Variants in AZIN2 observed in about 807,000 individuals in gnomAD.
AZIN2 encodes the protein antizyme inhibitor 2.
A neutral mutation model predicts 47.8 loss-of-function variants in AZIN2; 28 were observed. That is an observed-to-expected ratio of 0.59 (90% CI 0.43 to 0.80). The LOEUF is 0.80. AZIN2 is among the 30% of genes least tolerant of loss of function. The probability of loss-of-function intolerance (pLI) is 0.00; values close to 1 mark genes in which losing one functional copy is unlikely to be tolerated. For missense variants in AZIN2, 535 were observed against 582.5 expected (o/e 0.92, Z 0.84); for synonymous variants, 221 against 239.4 (o/e 0.92, Z 0.71).
intron 10 of AZIN2, among the ~76,000 whole-genome samples, chr1:33,116,506 TC>T (rs1644548498): frequency 6.6e-6 from 1 of 152,186 alleles, no homozygotes; most frequent in Non-Finnish European, 1.5e-5. Flanking sequence ...CTCTTTCTCA[TC>T]ACTCATATAT....
At chr1:33,128,972 C>A in the AZIN2 span, among the ~76,000 whole-genome samples, 3 of 152,042 alleles carry the variant, frequency 2.0e-5, no homozygotes, top group African/African-American at 7.2e-5. Flanking sequence ...AGCTGCCGGC[C>A]AGGATTAGGA....
At chr1:33,157,341 TG>T in the AZIN2 span, among the ~76,000 whole-genome samples, 1 of 152,110 alleles carries the variant, frequency 6.6e-6, no homozygotes, top group South Asian at 2.1e-4. Flanking sequence ...TTGCACTTGC[TG>T]TCCCCATGCC....
At chr1:33,135,269 C>T in the AZIN2 span, among the ~76,000 whole-genome samples, 1 of 152,150 alleles carries the variant, frequency 6.6e-6, no homozygotes, top group Admixed American at 6.5e-5. Flanking sequence ...GCCTGGGTGA[C>T]AGAGCAAGAC....
chr1:33,090,306 C>T (rs1347259492), intron 5 of AZIN2, among the ~76,000 whole-genome samples: 1 of 152,206 alleles, frequency 6.6e-6, no homozygotes, highest in Non-Finnish European at 1.5e-5. Context: ...TCAGGGCCTG[C>T]TTGTGGTAGG....
the AZIN2 span, among the ~76,000 whole-genome samples, chr1:33,131,612 T>C: frequency 6.6e-6 from 1 of 152,132 alleles, no homozygotes; most frequent in Non-Finnish European, 1.5e-5. Context: ...ACATTTTGTA[T>C]GTTTAAAAGA....
the AZIN2 span, among the ~76,000 whole-genome samples, chr1:33,157,732 A>T: frequency 6.3e-4 from 95 of 151,680 alleles, 1 homozygote; most frequent in Non-Finnish European, 1.3e-3. Flanking sequence ...GGGTTTGCTA[A>T]TGGAACCTAT....
chr1:33,135,180 T>C, the AZIN2 span, among the ~76,000 whole-genome samples: 1 of 152,148 alleles, frequency 6.6e-6, no homozygotes, highest in African/African-American at 2.4e-5. Flanking sequence ...ATCCCAGCTA[T>C]TTGGGAGGCT....
At chr1:33,157,356 A>C in the AZIN2 span, among the ~76,000 whole-genome samples, 1 of 152,072 alleles carries the variant, frequency 6.6e-6, no homozygotes, top group East Asian at 1.9e-4. Context: ...CCATGCCAGG[A>C]GCACTCTTCC....
chr1:33,146,891 T>C, the AZIN2 span: 5 of 433,850 alleles, frequency 1.2e-5, no homozygotes, highest in Admixed American at 1.9e-4. Flanking sequence ...CCTGAGAAGA[T>C]GGGGATGAGG....
Position 33,092,106 on chromosome 1 carries a change from C to G in AZIN2, c.336C>G (p.Ala112=). 1.2e-6 allele frequency: 2 copies of G among 1,614,188 alleles called. No homozygotes were observed. Among genetic ancestry groups the G allele is most frequent in the East Asian group, 2.2e-5 (1 of 44,880 alleles). Residue 112 remains alanine (A), a synonymous_variant, in exon 6 of 12, where the codon GCC becomes GCG. Transcript: ENST00000294517. ...TCCCTGCCAGTAAGATCATCTGCGC[C>G]AACCCCTGTAAGCAAATTGCACAGA... ...IGIPASKIIC[A]NPCKQIAQIK...
chr1:33,150,823 C>G, the AZIN2 span, among the ~76,000 whole-genome samples: 4 of 152,142 alleles, frequency 2.6e-5, no homozygotes, highest in South Asian at 8.3e-4. Flanking sequence ...GGTGGGCCAC[C>G]CCTATGACAG....
chr1:33,148,617 T>G, the AZIN2 span, among the ~76,000 whole-genome samples: 1 of 152,200 alleles, frequency 6.6e-6, no homozygotes, highest in African/African-American at 2.4e-5. Context: ...ACAAAATATT[T>G]TATTATTAAT....
chr1:33,093,733 T>TTC (rs1404864675), intron 7 of AZIN2, among the ~76,000 whole-genome samples: 28 of 141,862 alleles, frequency 2.0e-4, no homozygotes, highest in African/African-American at 3.2e-4. Context: ...CTTTCTTTCT[T>TTC]TTTTTTTTTT....
At chr1:33,163,515 T>A in the AZIN2 span, 1 of 152,218 alleles carries the variant, frequency 6.6e-6, no homozygotes, top group Non-Finnish European at 1.5e-5. Flanking sequence ...GTGCACCCCA[T>A]TTATTCTAGT....
chr1:33,162,615 G>A, the AZIN2 span, among the ~76,000 whole-genome samples: 4 of 152,290 alleles, frequency 2.6e-5, no homozygotes, highest in East Asian at 1.9e-4. Flanking sequence ...AGATTGCTCC[G>A]TAGAGCTGGG....
At chr1:33,127,264 G>T (rs755984534), downstream of AZIN2, among the ~76,000 whole-genome samples, 110 of 152,376 alleles carry the variant, frequency 7.2e-4, 1 homozygote, top group Middle Eastern at 3.4e-3. Context: ...GGAACCCCCA[G>T]CTCACGGCCC....
intron 5 of AZIN2, among the ~76,000 whole-genome samples, chr1:33,089,126 G>C (rs1272544951): frequency 6.6e-6 from 1 of 152,158 alleles, no homozygotes; most frequent in African/African-American, 2.4e-5. Context: ...CTGACAGTTA[G>C]AATCCCATCT....
chr1:33,098,996 C>A (rs939726680), intron 10 of AZIN2, among the ~76,000 whole-genome samples: 1 of 151,842 alleles, frequency 6.6e-6, no homozygotes, highest in African/African-American at 2.4e-5. Context: ...AACCCTTGAC[C>A]TCAAATCATC....
At chr1:33,130,913 G>A in the AZIN2 span, among the ~76,000 whole-genome samples, 2 of 152,194 alleles carry the variant, frequency 1.3e-5, no homozygotes, top group African/African-American at 4.8e-5. Context: ...AAGACATTTG[G>A]CAATGGAGTT....
Sources: allele counts gnomAD v4.1 joint callset (sites outside exome capture counted in the v4.1 genomes callset), GRCh38; gene constraint gnomAD v4.1.1; transcripts MANE v1.5; gene names NCBI Gene and HGNC (gene_info 2026-07-23, HGNC 2026-07-21).